Variants in RNF144A observed in about 807,000 individuals in gnomAD.
The protein encoded by RNF144A is ring finger protein 144A.
A neutral mutation model predicts 38.7 loss-of-function variants in RNF144A; 11 were observed. The ratio of observed to expected loss-of-function variants is 0.28; its 90% CI spans 0.18 to 0.47. The LOEUF is 0.47. Ranked by LOEUF, RNF144A falls within the 20% of genes least tolerant of loss-of-function variation. The probability of loss-of-function intolerance (pLI) is 0.99; values close to 1 mark genes in which losing one functional copy is unlikely to be tolerated. For missense variants in RNF144A, 316 were observed against 377.2 expected, an observed-to-expected ratio of 0.84 and a Z score of 1.34; for synonymous variants, 149 against 143.9, an observed-to-expected ratio of 1.04 and a Z score of -0.25.
intron 6 of RNF144A, among the ~76,000 whole-genome samples, chr2:7,064,156 C>T (rs527657393): frequency 2.0e-5 from 3 of 152,130 alleles, no homozygotes; most frequent in Non-Finnish European, 4.4e-5. Flanking sequence ...CTAAGCACCT[C>T]TAATTAGGCC....
At chr2:7,044,186 G>A (rs777503512), downstream of RNF144A, 17 of 985,390 alleles carry the variant, frequency 1.7e-5, no homozygotes, top group Admixed American at 6.1e-5. Context: ...TAAACCCCGC[G>A]TGGCTCCGTC....
At chr2:7,071,181 C>A (rs569274299), downstream of RNF144A, among the ~76,000 whole-genome samples, 4 of 152,238 alleles carry the variant, frequency 2.6e-5, no homozygotes, top group South Asian at 8.3e-4. Flanking sequence ...TGTGCTCCAC[C>A]CTCCTCGGCC....
chr2:6,991,205 G>T (rs969979931), intron 2 of RNF144A, among the ~76,000 whole-genome samples: 7 of 152,158 alleles, frequency 4.6e-5, no homozygotes, highest in Non-Finnish European at 1.0e-4. Flanking sequence ...GAGTGTGATT[G>T]CTGGAAATAG....
chr2:7,071,745 A>C (rs1319490503), downstream of RNF144A, among the ~76,000 whole-genome samples: 1 of 152,242 alleles, frequency 6.6e-6, no homozygotes, highest in Non-Finnish European at 1.5e-5. Flanking sequence ...TAGGGTCTCC[A>C]GTCACTCAAC....
At position 6,917,642 on chromosome 2, in the gene RNF144A, CT is replaced by C. The variant is rs1385284684; in HGVS notation, c.-212+23del. 1 of 147,764 alleles carries C rather than the reference CT, an allele frequency of 6.8e-6. No homozygotes were observed. The highest frequency in any genetic ancestry group is 1.5e-5 in the Non-Finnish European group (1 of 66,308). 9.2% of individuals were successfully genotyped at this position (147,764 alleles called of 1,614,324 possible). On this transcript the variant is annotated intron_variant, in intron 1 of 8. Transcript: ENST00000320892. This position sits in a 1 kb window ranked among gnomAD's most constrained non-coding sequence, Gnocchi z 4.8. ...GCCCAGGTAGAGTGACGCGCGTCCC[CT>C]TTGTGTCCGCATCGCCCGGGCCGGC...
In RNF144A at chr2:7,014,789, T is replaced by C. The variant is rs781063209; in HGVS notation, c.301+17T>C. On this transcript the variant is annotated intron_variant, in intron 5 of 8. Coordinates refer to ENST00000320892, the MANE Select transcript of RNF144A (RefSeq NM_014746.6). ...TTGAAAGAGGTAGGTGCCTGGTATA[T>C]CTGCCGGTTATGATTCCTGTAATGT... is the stretch of plus-strand genomic sequence containing the variant. 6.3e-7 allele frequency: 1 copy of C among 1,579,654 alleles called. No individual in the cohort carries two copies. Among genetic ancestry groups the C allele is most frequent in the South Asian group, 1.1e-5 (1 of 90,360 alleles).
chr2:6,974,813 A>G (rs1056126405), intron 2 of RNF144A, among the ~76,000 whole-genome samples: 33 of 152,036 alleles, frequency 2.2e-4, no homozygotes, highest in African/African-American at 7.7e-4. Context: ...CATTTTTGGA[A>G]CTCCGAGTTA....
intron 2 of RNF144A, among the ~76,000 whole-genome samples, chr2:6,991,107 A>C (rs1425926675): frequency 6.6e-6 from 1 of 152,214 alleles, no homozygotes. Flanking sequence ...GTTGTTTCCA[A>C]ATTTTGGCAG....
At chr2:6,925,619 G>A (rs763752736) in intron 1 of RNF144A, among the ~76,000 whole-genome samples, 4 of 152,136 alleles carry the variant, frequency 2.6e-5, no homozygotes, top group Admixed American at 2.0e-4. Flanking sequence ...GGTTCAAGGC[G>A]CAGAATACAG....
chr2:7,070,610 G>C (rs1674435533), downstream of RNF144A, among the ~76,000 whole-genome samples: 1 of 152,138 alleles, frequency 6.6e-6, no homozygotes, highest in African/African-American at 2.4e-5. Context: ...GGTTATACTG[G>C]ATTAGAAAGG....
At chr2:6,981,908 A>G (rs76217188) in intron 2 of RNF144A, among the ~76,000 whole-genome samples, 1 of 152,226 alleles carries the variant, frequency 6.6e-6, no homozygotes, top group Non-Finnish European at 1.5e-5. Flanking sequence ...ACAGTTCCCC[A>G]TGAGGCTTGG....
At chr2:6,968,385 G>T (rs1185794300) in intron 2 of RNF144A, among the ~76,000 whole-genome samples, 1 of 152,254 alleles carries the variant, frequency 6.6e-6, no homozygotes, top group African/African-American at 2.4e-5. Flanking sequence ...CGGGCCCAGA[G>T]CAGGCAAGGT....
At position 7,010,874 on chromosome 2, in the gene RNF144A, C is replaced by T. The variant is rs544435633; in HGVS notation, c.136-3580C>T. Among the ~76,000 whole-genome samples, 36 of 152,100 alleles carry T rather than the reference C, an allele frequency of 2.4e-4. No homozygotes were observed. In the South Asian group the frequency reaches 4.8e-3, roughly 20 times the overall value. On this transcript the variant is annotated intron_variant, in intron 3 of 8. Transcript: ENST00000320892. ...CCCTTGAAGTGGCCCCATGAGAGCACGGAGCACAGTGCATTGTGATGATGA... is the reference window on the plus strand; with the variant it reads ...CCCTTGAAGTGGCCCCATGAGAGCATGGAGCACAGTGCATTGTGATGATGA...
intron 2 of RNF144A, among the ~76,000 whole-genome samples, chr2:6,954,779 G>T (rs541097687): frequency 6.6e-6 from 1 of 152,332 alleles, no homozygotes; most frequent in South Asian, 2.1e-4. Flanking sequence ...GATCTTACGT[G>T]CGTGTAAGTC....
intron 2 of RNF144A, among the ~76,000 whole-genome samples, chr2:6,996,424 A>T (rs1298149994): frequency 1.3e-5 from 2 of 152,088 alleles, no homozygotes; most frequent in African/African-American, 2.4e-5. Context: ...TGCCGTTTTG[A>T]GGGCAGACAT....
chr2:6,919,529 G>A (rs1364243342), intron 1 of RNF144A, among the ~76,000 whole-genome samples: 1 of 152,174 alleles, frequency 6.6e-6, no homozygotes, highest in Non-Finnish European at 1.5e-5. Flanking sequence ...AGCCATTGAT[G>A]GTTTTGGAGG....
At position 7,042,620 on chromosome 2, in the gene RNF144A, T is replaced by C; in HGVS notation, c.*2860T>C. On this transcript the variant is annotated 3_prime_UTR_variant, in exon 9 of 9. Coordinates refer to ENST00000320892, the MANE Select transcript of RNF144A (RefSeq NM_014746.6). ...CCACATTTGGAGGTTTTGCTGGAAATGCCTGACCTCTCAGTCTGGCTCTGC... is the reference window on the plus strand; with the variant it reads ...CCACATTTGGAGGTTTTGCTGGAAACGCCTGACCTCTCAGTCTGGCTCTGC... 2.0e-6 allele frequency: 2 copies of C among 985,566 alleles called. No individual in the cohort carries two copies. Among genetic ancestry groups the C allele is most frequent in the Non-Finnish European group, 2.4e-6 (2 of 830,032 alleles). 61.1% of individuals were successfully genotyped at this position (985,566 alleles called of 1,614,324 possible).
chr2:7,045,545 G>A (rs1421811691), downstream of RNF144A, among the ~76,000 whole-genome samples: 2 of 152,184 alleles, frequency 1.3e-5, no homozygotes, highest in African/African-American at 4.8e-5. Context: ...GTGCACGCCT[G>A]TGGACACAGC....
chr2:7,036,574 T>C (rs1055257874), intron 8 of RNF144A, among the ~76,000 whole-genome samples: 2 of 152,238 alleles, frequency 1.3e-5, no homozygotes, highest in Admixed American at 6.5e-5. Flanking sequence ...ACCAGGATGC[T>C]AAGCTCTGTC....
Sources: gnomAD v4.1 joint callset for allele counts (sites outside exome capture counted in the v4.1 genomes callset) on GRCh38, gnomAD v4.1.1 for gene constraint, Gnocchi (gnomAD v3.1) non-coding constraint, MANE v1.5 for transcripts, NCBI Gene and HGNC (gene_info 2026-07-23, HGNC 2026-07-21) for gene names.